The following PRICKLE1 variants were observed in gnomAD, a reference collection of about 807,000 sequenced individuals.
PRICKLE1 encodes the protein prickle-like protein 1.
Under a neutral mutation model 70.2 loss-of-function variants are expected in PRICKLE1, and 14 were observed. The ratio of observed to expected loss-of-function variants is 0.20; its 90% confidence interval spans 0.13 to 0.31. The LOEUF is 0.31. PRICKLE1 is among the 10% of genes least tolerant of loss of function. The pLI, the probability that PRICKLE1 is intolerant of heterozygous loss-of-function variation, is 1.00. For missense variants in PRICKLE1, 821 were observed against 1,026.2 expected, an observed-to-expected ratio of 0.80 and a Z score of 2.73; for synonymous variants, 357 against 379.9, an observed-to-expected ratio of 0.94 and a Z score of 0.70.
rs1000577006 is a variant in PRICKLE1, at chr12:42,457,508, T to C, written c.*2301A>G. ...ATGGAACAAACACTCTCATTTACAT[T>C]ACATTAATGTAAATCAGGAGAATTT... On this transcript the variant is annotated 3_prime_UTR_variant, in exon 8 of 8. Transcript: ENST00000345127. 2 of 152,254 alleles carry C rather than the reference T, an allele frequency of 1.3e-5. No individual in the cohort carries two copies. Among genetic ancestry groups the C allele is most frequent in the Non-Finnish European group, 2.9e-5 (2 of 68,048 alleles). The allele number at this position is 152,254 out of a possible 1,614,324, so 9.4% of individuals were successfully genotyped here.
intron 1 of PRICKLE1, among the ~76,000 whole-genome samples, chr12:42,494,604 T>C (rs1365093545): frequency 6.6e-6 from 1 of 151,924 alleles, no homozygotes; most frequent in Non-Finnish European, 1.5e-5. Context: ...GTCAGGAGTT[T>C]GAGACTAGCC....
chr12:42,466,085 G>A, intron 6 of PRICKLE1, 109 bp downstream of exon 6: 1 of 1,164,480 alleles, frequency 8.6e-7, no homozygotes, highest in South Asian at 1.2e-5. Flanking sequence ...TTCATTGTAT[G>A]TAAATTATAT....
intron 1 of PRICKLE1, among the ~76,000 whole-genome samples, chr12:42,509,937 T>C (rs962630091): frequency 1.3e-5 from 2 of 151,586 alleles, no homozygotes; most frequent in Non-Finnish European, 2.9e-5. Context: ...GCCAGGAATG[T>C]TGGCACACAC....
At chr12:42,558,397 A>T (rs1421103823) in intron 1 of PRICKLE1, among the ~76,000 whole-genome samples, 1 of 152,262 alleles carries the variant, frequency 6.6e-6, no homozygotes, top group African/African-American at 2.4e-5. Flanking sequence ...TGCCAGGTTA[A>T]TTAAAACAAC....
At chr12:42,586,826 T>C (rs887852053) in intron 1 of PRICKLE1, among the ~76,000 whole-genome samples, 1 of 152,242 alleles carries the variant, frequency 6.6e-6, no homozygotes, top group Non-Finnish European at 1.5e-5. Context: ...TTAAAACTTA[T>C]AATTCAGCTT....
chr12:42,483,821 C>G (rs1037634836), intron 1 of PRICKLE1: 4 of 151,724 alleles, frequency 2.6e-5, no homozygotes, highest in African/African-American at 7.3e-5. Flanking sequence ...CGCAGAGACC[C>G]TCGGTCCCTG....
intron 1 of PRICKLE1, among the ~76,000 whole-genome samples, chr12:42,516,600 TTCTC>T (rs1385133750): frequency 2.0e-5 from 3 of 152,132 alleles, no homozygotes; most frequent in Non-Finnish European, 4.4e-5. Flanking sequence ...TTATCTTTGT[TTCTC>T]TCTCTCTGTT....
At chr12:42,580,088 T>C (rs1303482799) in intron 1 of PRICKLE1, among the ~76,000 whole-genome samples, 1 of 152,158 alleles carries the variant, frequency 6.6e-6, no homozygotes, top group Non-Finnish European at 1.5e-5. Flanking sequence ...TTGGCCAGGC[T>C]GGTCTCGAAC....
chr12:42,470,396 G>A (rs370140912), intron 2 of PRICKLE1, 37 bp from the exon 3 acceptor site: 34 of 1,298,042 alleles, frequency 2.6e-5, no homozygotes, highest in Non-Finnish European at 3.4e-5. Context: ...TCAACATACA[G>A]AACTGAGCAT....
At chr12:42,486,969 T>A (rs1469239353) in intron 1 of PRICKLE1, among the ~76,000 whole-genome samples, 1 of 152,194 alleles carries the variant, frequency 6.6e-6, no homozygotes, top group Non-Finnish European at 1.5e-5. Flanking sequence ...GTTCTAGTTT[T>A]CAATGCGAGC....
chr12:42,482,999 C>T (rs1377778708), intron 1 of PRICKLE1: 1 of 152,316 alleles, frequency 6.6e-6, no homozygotes, highest in African/African-American at 2.4e-5. Flanking sequence ...CGGCTCCAGC[C>T]CCTCTCTGCG....
At chr12:42,502,581 G>T (rs981835242) in intron 1 of PRICKLE1, among the ~76,000 whole-genome samples, 1 of 151,894 alleles carries the variant, frequency 6.6e-6, no homozygotes, top group Non-Finnish European at 1.5e-5. Context: ...AAAGTGTTGG[G>T]GTTACAAGCA....
At position 42,465,042 on chromosome 12, in the gene PRICKLE1, C is replaced by T. The variant is rs778192552; in HGVS notation, c.992G>A (p.Arg331Gln). 51 of 1,588,900 alleles carry T rather than the reference C, an allele frequency of 3.2e-5. No homozygotes were observed. The highest frequency in any genetic ancestry group is 1.6e-4 in the East Asian group (7 of 44,690). ...AFQSARSRDS[R>Q]RSVRMGKSSR... ...GCTCTTGCCCATTCGGACACTTCTT[C>T]GGGAGTCTCTTGATCGAGCTGACTG... Residue 331 changes from arginine to glutamine, a missense_variant, in exon 7 of 8, where the codon CGA becomes CAA. Physicochemically the swap from Arg to Gln is conservative, Grantham distance 43. Transcript: ENST00000345127.
chr12:42,470,704 G>A (rs918158309), intron 2 of PRICKLE1, among the ~76,000 whole-genome samples: 3 of 152,102 alleles, frequency 2.0e-5, no homozygotes, highest in Non-Finnish European at 2.9e-5. Flanking sequence ...TCAGGAGTTC[G>A]AGACCAGCCT....
At chr12:42,547,719 G>A (rs557519012) in intron 1 of PRICKLE1, among the ~76,000 whole-genome samples, 7 of 152,116 alleles carry the variant, frequency 4.6e-5, no homozygotes, top group East Asian at 1.9e-4. Flanking sequence ...CAAGGTTCTC[G>A]GATTAACAAT....
intron 1 of PRICKLE1, among the ~76,000 whole-genome samples, chr12:42,498,166 T>TTC (rs1159954222): frequency 1.5e-4 from 21 of 141,848 alleles, no homozygotes; most frequent in African/African-American, 5.3e-4. Flanking sequence ...TTTTTTTCTT[T>TTC]TCTCTCTCTC....
At chr12:42,550,062 T>C (rs1208568372) in intron 1 of PRICKLE1, 2 of 152,292 alleles carry the variant, frequency 1.3e-5, no homozygotes, top group East Asian at 3.8e-4. Flanking sequence ...TACCTCACAG[T>C]ATTGCTATTG....
intron 1 of PRICKLE1, among the ~76,000 whole-genome samples, chr12:42,530,511 G>C (rs776124580): frequency 1.1e-4 from 17 of 151,746 alleles, no homozygotes; most frequent in Non-Finnish European, 1.9e-4. Context: ...ACTACTCAGG[G>C]GATATGAGAG....
chr12:42,507,822 C>T (rs140786195), intron 1 of PRICKLE1, among the ~76,000 whole-genome samples: 275 of 152,300 alleles, frequency 1.8e-3, no homozygotes, highest in African/African-American at 6.4e-3. Context: ...AGCTTATCTC[C>T]AGCTTCAATC....
Sources: allele counts gnomAD v4.1 joint callset (sites outside exome capture counted in the v4.1 genomes callset), GRCh38; gene constraint gnomAD v4.1.1; transcripts MANE v1.5; gene names NCBI Gene and HGNC (gene_info 2026-07-23, HGNC 2026-07-21).